SLC14A2: variants seen among roughly 807,000 people sequenced by gnomAD.
SLC14A2 encodes solute carrier family 14 member 2.
SLC14A2 carries 91 observed loss-of-function variants against 104.6 expected under a neutral mutation model. The observed-to-expected ratio is 0.87, with a 90% confidence interval of 0.73 to 1.04. The LOEUF is 1.04. Ranked by LOEUF, SLC14A2 falls within the 50% of genes least tolerant of loss-of-function variation. The pLI is 0.00. For synonymous variants in SLC14A2, 476 were observed against 466.4 expected (o/e 1.02, Z -0.27); for missense variants, 1,189 against 1,156.0 (o/e 1.03, Z -0.41).
intron 10 of SLC14A2, among the ~76,000 whole-genome samples, chr18:45,653,514 AC>A (rs2045776514): frequency 2.0e-5 from 3 of 152,032 alleles, no homozygotes; most frequent in South Asian, 4.2e-4. Flanking sequence ...TTGATGCATG[AC>A]CCATCATACT....
chr18:45,241,393 G>A (rs1268548523), intron 1 of SLC14A2, among the ~76,000 whole-genome samples: 1 of 152,160 alleles, frequency 6.6e-6, no homozygotes, highest in Non-Finnish European at 1.5e-5. Context: ...AGATGCTGAG[G>A]GCCTGAATCA....
chr18:45,408,249 TTC>T, intron 1 of SLC14A2, among the ~76,000 whole-genome samples: 1 of 152,302 alleles, frequency 6.6e-6, no homozygotes, highest in East Asian at 1.9e-4. Flanking sequence ...GAGATCATTT[TTC>T]TCTCTCTCTG....
At chr18:45,493,989 T>C (rs889639589) in intron 2 of SLC14A2, among the ~76,000 whole-genome samples, 1 of 152,222 alleles carries the variant, frequency 6.6e-6, no homozygotes, top group Admixed American at 6.5e-5. Flanking sequence ...TGCCAAATCA[T>C]GTCTGCAAAG....
chr18:45,341,798 G>A (rs2085399187), intron 1 of SLC14A2, among the ~76,000 whole-genome samples: 1 of 151,752 alleles, frequency 6.6e-6, no homozygotes, highest in Admixed American at 6.6e-5. Context: ...ATGTTGGCCA[G>A]ACTGATCTCA....
intron 15 of SLC14A2, among the ~76,000 whole-genome samples, chr18:45,668,875 G>A (rs911797796): frequency 1.3e-5 from 2 of 152,166 alleles, no homozygotes; most frequent in Non-Finnish European, 2.9e-5. Context: ...CACCTCCCAG[G>A]GTAGGCTGAA....
the SLC14A2 span, among the ~76,000 whole-genome samples, chr18:45,200,428 A>ATG: frequency 1.3e-5 from 2 of 152,222 alleles, no homozygotes; most frequent in African/African-American, 4.8e-5. Flanking sequence ...TGGCAAATAA[A>ATG]TGTGAAAGTA....
chr18:45,450,051 G>A (rs973365144), intron 1 of SLC14A2, among the ~76,000 whole-genome samples: 3 of 152,184 alleles, frequency 2.0e-5, no homozygotes, highest in Non-Finnish European at 2.9e-5. Flanking sequence ...GCTAATGCCC[G>A]CTTCTTCTAT....
At chr18:45,630,986 G>A (rs563495215) in intron 4 of SLC14A2, among the ~76,000 whole-genome samples, 9 of 152,172 alleles carry the variant, frequency 5.9e-5, no homozygotes, top group African/African-American at 2.2e-4. Context: ...AGACCTCCTG[G>A]TCACTACAGA....
intron 5 of SLC14A2, among the ~76,000 whole-genome samples, chr18:45,632,993 C>T (rs1235801910): frequency 7.2e-5 from 11 of 152,208 alleles, no homozygotes; most frequent in Non-Finnish European, 1.0e-4. Flanking sequence ...ATTCTTTAAA[C>T]CAACAAAAGA....
intron 1 of SLC14A2, among the ~76,000 whole-genome samples, chr18:45,286,034 C>T (rs1313309660): frequency 1.3e-5 from 2 of 152,206 alleles, no homozygotes; most frequent in African/African-American, 2.4e-5. Flanking sequence ...AGTAGCACAA[C>T]TAGAAGTTGG....
At chr18:45,675,954 G>T (rs1215804279) in intron 18 of SLC14A2, among the ~76,000 whole-genome samples, 1 of 151,834 alleles carries the variant, frequency 6.6e-6, no homozygotes, top group African/African-American at 2.4e-5. Context: ...TCAGCAGACA[G>T]AACAGCCCCA....
intron 1 of SLC14A2, among the ~76,000 whole-genome samples, chr18:45,481,140 G>A (rs146965113): frequency 9.0e-4 from 137 of 152,210 alleles, no homozygotes; most frequent in African/African-American, 3.2e-3. Flanking sequence ...TCCAGGCTCA[G>A]GGGAGATGTT....
chr18:45,590,962 C>T (rs146927364), intron 2 of SLC14A2, among the ~76,000 whole-genome samples: 1 of 152,292 alleles, frequency 6.6e-6, no homozygotes, highest in African/African-American at 2.4e-5. Flanking sequence ...ACATAACCAA[C>T]ATGAGTGACT....
At chr18:45,273,181 T>C (rs534632161) in intron 1 of SLC14A2, among the ~76,000 whole-genome samples, 1 of 152,306 alleles carries the variant, frequency 6.6e-6, no homozygotes, top group South Asian at 2.1e-4. Context: ...GTACTGGTTT[T>C]ATTTTCAGTG....
the SLC14A2 span, among the ~76,000 whole-genome samples, chr18:45,195,283 G>A: frequency 6.6e-6 from 1 of 152,204 alleles, no homozygotes; most frequent in Non-Finnish European, 1.5e-5. Context: ...AAAACATCTG[G>A]GTACAGAAGT....
chr18:45,506,363 T>C (rs1001501912), intron 2 of SLC14A2, among the ~76,000 whole-genome samples: 4 of 152,174 alleles, frequency 2.6e-5, no homozygotes, highest in African/African-American at 9.7e-5. Context: ...CTGTCAGTAA[T>C]CCAGTGGCAA....
intron 1 of SLC14A2, among the ~76,000 whole-genome samples, chr18:45,429,305 C>A (rs1287908292): frequency 6.6e-6 from 1 of 152,100 alleles, no homozygotes; most frequent in African/African-American, 2.4e-5. Flanking sequence ...ATCCATCAAG[C>A]CAGGAAACTG....
intron 2 of SLC14A2, among the ~76,000 whole-genome samples, chr18:45,534,773 G>C: frequency 6.6e-6 from 1 of 152,114 alleles, no homozygotes; most frequent in East Asian, 1.9e-4. Context: ...TTCCAACCAT[G>C]CATTAGATGA....
intron 1 of SLC14A2, among the ~76,000 whole-genome samples, chr18:45,390,559 C>T (rs2612579): frequency 0.54 from 82,370 of 151,886 alleles, 27,009 homozygotes; most frequent in East Asian, 0.85. Context: ...ACACAAAAAT[C>T]TTATCCTAAT....
Sources: allele counts gnomAD v4.1 joint callset (sites outside exome capture counted in the v4.1 genomes callset), GRCh38; gene constraint gnomAD v4.1.1; transcripts MANE v1.5; gene names NCBI Gene and HGNC (gene_info 2026-07-23, HGNC 2026-07-21).